TTC28: variants seen among roughly 807,000 people sequenced by gnomAD.
TTC28 encodes the protein tetratricopeptide repeat domain 28.
TTC28 carries 61 observed loss-of-function variants against 198.0 expected under a neutral mutation model. That is an observed-to-expected ratio of 0.31 (90% CI 0.25 to 0.38). TTC28 has a LOEUF of 0.38. Among genes scored for constraint, TTC28 ranks in the 10% least tolerant of loss-of-function variants. The pLI is 1.00. For synonymous variants in TTC28, 1,171 were observed against 1,297.8 expected (o/e 0.90, Z 2.10); for missense variants, 2,678 against 3,164.0 (o/e 0.85, Z 3.69).
intron 12 of TTC28, among the ~76,000 whole-genome samples, chr22:28,073,513 T>C (rs1362170352): frequency 1.3e-5 from 2 of 152,106 alleles, no homozygotes; most frequent in Middle Eastern, 6.8e-3. Flanking sequence ...AAGAAAGATA[T>C]AAGCAAAAAA....
intron 5 of TTC28, among the ~76,000 whole-genome samples, chr22:28,187,009 A>T (rs1924261412): frequency 6.6e-6 from 1 of 152,210 alleles, no homozygotes; most frequent in African/African-American, 2.4e-5. Flanking sequence ...AGGTCAAAAC[A>T]GTGGGAGAGA....
At chr22:28,449,503 T>G (rs1318906489) in intron 2 of TTC28, among the ~76,000 whole-genome samples, 1 of 152,258 alleles carries the variant, frequency 6.6e-6, no homozygotes, top group African/African-American at 2.4e-5. Flanking sequence ...ACTATTATTA[T>G]GCCCATGTTA....
At chr22:28,559,276 T>G (rs1425826477) in intron 2 of TTC28, among the ~76,000 whole-genome samples, 1 of 152,198 alleles carries the variant, frequency 6.6e-6, no homozygotes, top group Non-Finnish European at 1.5e-5. Context: ...TAGTTTCACT[T>G]AGCCAAACTT....
chr22:28,449,811 T>A (rs561705701), intron 2 of TTC28, among the ~76,000 whole-genome samples: 2 of 152,218 alleles, frequency 1.3e-5, no homozygotes, highest in African/African-American at 4.8e-5. Flanking sequence ...AGGCCTTGAA[T>A]TAGGGCAGCA....
Position 28,163,182 on chromosome 22 carries a change from C to T in TTC28, c.1351G>A (p.Glu451Lys), listed in dbSNP as rs1210288600. 5.2e-6 allele frequency: 8 copies of T among 1,551,610 alleles called. No homozygotes were observed. The East Asian group carries it at 9.8e-5, about 19-fold the overall frequency. ...TGCTCATGGTATTGTTTAGCTCTCTCCAAATCCTGCATGCACCTGGCAGCA... is the reference window on the plus strand; with the variant it reads ...TGCTCATGGTATTGTTTAGCTCTCTTCAAATCCTGCATGCACCTGGCAGCA... ...GHAARCMQDLERAKQYHEQQL... is the reference protein window; with the variant it reads ...GHAARCMQDLKRAKQYHEQQL... Residue 451 changes from glutamate (E) to lysine (K), a missense_variant, in exon 6 of 23, where the codon GAG becomes AAG. Glu to Lys is a moderately conservative substitution (Grantham distance 56, BLOSUM62 1). Transcript: ENST00000397906.
chr22:28,411,036 A>C (rs1031128586), intron 2 of TTC28, among the ~76,000 whole-genome samples: 5 of 119,864 alleles, frequency 4.2e-5, no homozygotes, highest in East Asian at 5.0e-4. Flanking sequence ...CTTCATTTTT[A>C]TTCAATTCCT....
intron 13 of TTC28, among the ~76,000 whole-genome samples, chr22:28,017,942 C>T (rs1172169098): frequency 6.6e-6 from 1 of 152,190 alleles, no homozygotes; most frequent in South Asian, 2.1e-4. Flanking sequence ...CAGCTGAGCA[C>T]CCCCTGCCTG....
intron 12 of TTC28, among the ~76,000 whole-genome samples, chr22:28,053,646 C>A (rs17484337): frequency 0.069 from 10,513 of 152,234 alleles, 424 homozygotes; most frequent in South Asian, 0.09. Context: ...TGTACCCTTT[C>A]CTTGTTTAAT....
Position 28,080,962 on chromosome 22 carries a change from G to A in TTC28, c.3932+13118C>T, listed in dbSNP as rs186420644. ...GAAATTGTTCTCTCCCCATTGTGTT[G>A]CCTTTGTACCCTTGTCGAAGATCAT... On this transcript the variant is annotated intron_variant, in intron 12 of 22. Coordinates refer to ENST00000397906, the MANE Select transcript of TTC28 (RefSeq NM_001145418.2). Among the ~76,000 whole-genome samples, 7 of 152,068 alleles carry A rather than the reference G, an allele frequency of 4.6e-5. 1 individual carries two copies. The highest frequency in any genetic ancestry group is 1.4e-4 in the African/African-American group (6 of 41,510).
chr22:28,325,983 G>A (rs1308595926), intron 2 of TTC28, among the ~76,000 whole-genome samples: 1 of 151,984 alleles, frequency 6.6e-6, no homozygotes, highest in Non-Finnish European at 1.5e-5. Flanking sequence ...CCACTCCTAG[G>A]AACTTATCTT....
Position 28,213,860 on chromosome 22 carries a change from C to T in TTC28, c.934-50261G>A, listed in dbSNP as rs545655565. Among the ~76,000 whole-genome samples the T allele has an allele frequency of 7.9e-5, 12 of 152,228 alleles. No homozygotes were observed. In the South Asian group the frequency reaches 2.1e-3, roughly 26 times the overall value. On this transcript the variant is annotated intron_variant, in intron 5 of 22. Transcript: ENST00000397906. Reference sequence around the variant, plus strand: ...CAAAAGAACAAAGCTGGAGGCATCACGCTACCCGACTTCAAACTATAGTAC... The same window carrying T: ...CAAAAGAACAAAGCTGGAGGCATCATGCTACCCGACTTCAAACTATAGTAC...
At position 28,335,331 on chromosome 22, in the gene TTC28, A is replaced by G. The variant is rs368823330; in HGVS notation, c.382-28688T>C. Among the ~76,000 whole-genome samples, 183 of 152,236 alleles carry G rather than the reference A, an allele frequency of 1.2e-3. 5 individuals carry two copies. The East Asian group carries it at 0.035, about 29-fold the overall frequency. On this transcript the variant is annotated intron_variant, in intron 2 of 22. Transcript: ENST00000397906. ...TCTTTTGGCTTAGGATTGACTTGGC[A>G]ATGCGGGCTCTTTTTTGGTTCCATA...
chr22:28,134,247 C>G (rs150785628), intron 6 of TTC28, among the ~76,000 whole-genome samples: 7 of 152,222 alleles, frequency 4.6e-5, no homozygotes, highest in Admixed American at 3.9e-4. Flanking sequence ...GATAAAACCA[C>G]AAAGATGGGG....
intron 2 of TTC28, among the ~76,000 whole-genome samples, chr22:28,626,328 A>AG: frequency 6.6e-6 from 1 of 152,116 alleles, no homozygotes; most frequent in African/African-American, 2.4e-5. Flanking sequence ...TTCTCCATCT[A>AG]GTCTCTGGAG....
chr22:28,271,246 T>A (rs1377774365), intron 5 of TTC28, among the ~76,000 whole-genome samples: 1 of 151,882 alleles, frequency 6.6e-6, no homozygotes, highest in Non-Finnish European at 1.5e-5. Flanking sequence ...AAGACAATAT[T>A]CCTTGGGTTA....
intron 6 of TTC28, among the ~76,000 whole-genome samples, chr22:28,123,746 G>A (rs1168761657): frequency 1.3e-5 from 2 of 152,048 alleles, no homozygotes; most frequent in Non-Finnish European, 1.5e-5. Context: ...ATTTTGGGAG[G>A]CCGAGGCGGG....
intron 2 of TTC28, among the ~76,000 whole-genome samples, chr22:28,527,429 G>C (rs1416184013): frequency 6.6e-6 from 1 of 152,156 alleles, no homozygotes; most frequent in Admixed American, 6.5e-5. Flanking sequence ...CTGTGCCCAA[G>C]AGAGTTGCTT....
intron 6 of TTC28, among the ~76,000 whole-genome samples, chr22:28,133,427 G>A (rs1943110613): frequency 6.6e-6 from 1 of 152,192 alleles, no homozygotes; most frequent in Non-Finnish European, 1.5e-5. Context: ...CCTCACTCAG[G>A]AAGTGCAAGG....
At chr22:28,455,465 G>C (rs1028181856) in intron 2 of TTC28, among the ~76,000 whole-genome samples, 1 of 152,124 alleles carries the variant, frequency 6.6e-6, no homozygotes, top group African/African-American at 2.4e-5. Context: ...TGTAATCCCA[G>C]CACTTTGGGA....
Sources: allele counts gnomAD v4.1 joint callset (sites outside exome capture counted in the v4.1 genomes callset), GRCh38; gene constraint gnomAD v4.1.1; transcripts MANE v1.5; gene names NCBI Gene and HGNC (gene_info 2026-07-23, HGNC 2026-07-21).